MGA: variants seen among roughly 807,000 people sequenced by gnomAD.
MGA encodes MAX gene-associated protein.
MGA carries 40 observed loss-of-function variants against 261.1 expected under a neutral mutation model. That is an observed-to-expected ratio of 0.15 (90% confidence interval 0.12 to 0.20). MGA has a LOEUF of 0.20. Ranked by LOEUF, MGA falls within the 10% of genes least tolerant of loss-of-function variation. The pLI is 1.00. For missense variants in MGA, 3,397 were observed against 3,630.5 expected (o/e 0.94, Z 1.65); for synonymous variants, 1,302 against 1,290.6 (o/e 1.01, Z -0.19).
At chr15:41,633,950 C>T (rs2056647368) in intron 1 of MGA, among the ~76,000 whole-genome samples, 2 of 152,114 alleles carry the variant, frequency 1.3e-5, no homozygotes. Context: ...AATCTCTGCT[C>T]CAGCTTCTTC....
intron 9 of MGA, among the ~76,000 whole-genome samples, chr15:41,721,998 T>C: frequency 6.6e-6 from 1 of 151,676 alleles, no homozygotes. Context: ...ACAGTGAAAA[T>C]AAATGAATTA....
chr15:41,630,133 C>A (rs1473037303), intron 1 of MGA, among the ~76,000 whole-genome samples: 1 of 152,148 alleles, frequency 6.6e-6, no homozygotes, highest in Non-Finnish European at 1.5e-5. Context: ...CTTTATCACA[C>A]CTACCGTGCC....
In MGA at chr15:41,711,349, A is replaced by G. The variant is rs750361186; in HGVS notation, c.3084A>G (p.Gln1028=). Reference sequence around the variant, plus strand: ...CCTTAACAACTCTACTTACAGCTCAAGTAAGTAGCTGCTGTTTTCTGGAGG... The same window carrying G: ...CCTTAACAACTCTACTTACAGCTCAGGTAAGTAGCTGCTGTTTTCTGGAGG... Residue 1028 remains glutamine (Q), a splice_region_variant and synonymous_variant, in exon 8 of 24, where the codon CAA becomes CAG. Coordinates refer to ENST00000219905, the MANE Select transcript of MGA (RefSeq NM_001164273.2). 16 of 1,586,296 alleles carry G rather than the reference A, an allele frequency of 1.0e-5. No individual in the cohort carries two copies. The South Asian group carries it at 1.8e-4, about 18-fold the overall frequency.
intron 5 of MGA, among the ~76,000 whole-genome samples, chr15:41,706,872 C>T (rs1260240115): frequency 1.3e-5 from 2 of 152,106 alleles, no homozygotes; most frequent in Non-Finnish European, 2.9e-5. Context: ...CCAGCTCCGG[C>T]CAATAATTAA....
chr15:41,658,445 GC>G (rs2057252831), upstream of MGA, among the ~76,000 whole-genome samples: 2 of 152,118 alleles, frequency 1.3e-5, no homozygotes, highest in African/African-American at 4.8e-5. Flanking sequence ...GTTACTCAAA[GC>G]AAACAAAAAA....
At position 41,769,693 on chromosome 15, in the gene MGA, A is replaced by G. The variant is rs1488195677; in HGVS notation, c.*2413A>G. ...GTGGAAGACAGTGAGCTCTCACCCT[A>G]ACACTATAAGAAGCATGATCTCAAT... On this transcript the variant is annotated 3_prime_UTR_variant, in exon 24 of 24. Coordinates refer to ENST00000219905, the MANE Select transcript of MGA (RefSeq NM_001164273.2). 1 of 152,616 alleles carries G rather than the reference A, an allele frequency of 6.6e-6. No individual in the cohort carries two copies. The highest frequency in any genetic ancestry group is 1.5e-5 in the Non-Finnish European group (1 of 68,038). 9.5% of individuals were successfully genotyped at this position (152,616 alleles called of 1,614,324 possible). A position where few individuals can be genotyped will look rare whatever the true frequency, so the allele number is the denominator to read the frequency against.
intron 3 of MGA, among the ~76,000 whole-genome samples, chr15:41,697,527 G>A (rs1471746225): frequency 6.7e-6 from 1 of 149,476 alleles, no homozygotes; most frequent in Non-Finnish European, 1.5e-5. Context: ...AGCCATTCTC[G>A]TGCCCCAGCC....
chr15:41,629,710 C>T (rs1308924862), intron 1 of MGA, among the ~76,000 whole-genome samples: 1 of 151,990 alleles, frequency 6.6e-6, no homozygotes, highest in Non-Finnish European at 1.5e-5. Flanking sequence ...GCCTGCGCGA[C>T]AAATGGAGAT....
intron 9 of MGA, among the ~76,000 whole-genome samples, chr15:41,726,506 A>C (rs1213823622): frequency 6.6e-6 from 1 of 152,176 alleles, no homozygotes; most frequent in Non-Finnish European, 1.5e-5. Context: ...GGTTGGGTGG[A>C]TCACTTGAGG....
At chr15:41,739,960 T>C in intron 13 of MGA, 2 of 1,613,074 alleles carry the variant, frequency 1.2e-6, no homozygotes, top group Non-Finnish European at 1.7e-6. Flanking sequence ...GATGGGGGCA[T>C]TGCATCCAGC....
At chr15:41,725,450 G>A (rs1361078655) in intron 9 of MGA, among the ~76,000 whole-genome samples, 1 of 152,120 alleles carries the variant, frequency 6.6e-6, no homozygotes, top group African/African-American at 2.4e-5. Flanking sequence ...GGGAGCCTGA[G>A]GCAGGAAGAT....
At chr15:41,736,009 C>G (rs2061758266) in intron 12 of MGA, among the ~76,000 whole-genome samples, 172 bp from the exon 13 acceptor site, 1 of 152,138 alleles carries the variant, frequency 6.6e-6, no homozygotes, top group South Asian at 2.1e-4. Flanking sequence ...GTCTTATTCT[C>G]TGGAACTTTT....
At chr15:41,699,693 G>T (rs1229858103) in intron 5 of MGA, among the ~76,000 whole-genome samples, 3 of 152,058 alleles carry the variant, frequency 2.0e-5, no homozygotes, top group Non-Finnish European at 4.4e-5. Flanking sequence ...TAGTAGAGAC[G>T]GTTTCACCGT....
chr15:41,687,443 G>A (rs987081212), intron 2 of MGA, among the ~76,000 whole-genome samples: 5 of 152,106 alleles, frequency 3.3e-5, no homozygotes, highest in African/African-American at 1.2e-4. Context: ...ATTGTCTGTA[G>A]CTTGAGTAGT....
At chr15:41,734,445 T>G in intron 11 of MGA, 77 bp from the exon 12 acceptor site, 1 of 1,140,236 alleles carries the variant, frequency 8.8e-7, no homozygotes. Flanking sequence ...GTGAGAGATT[T>G]AATGCTTGTG....
At chr15:41,665,283 C>A (rs893457361) in intron 1 of MGA, among the ~76,000 whole-genome samples, 9 of 152,170 alleles carry the variant, frequency 5.9e-5, no homozygotes, top group African/African-American at 2.2e-4. Flanking sequence ...GACCCACTTA[C>A]ACAGGAGTGG....
intron 10 of MGA, among the ~76,000 whole-genome samples, 175 bp downstream of exon 10, chr15:41,727,581 TTAAAAG>T (rs1275334393): frequency 6.6e-6 from 1 of 152,202 alleles, no homozygotes; most frequent in Non-Finnish European, 1.5e-5. Context: ...TAAAAATGTC[TTAAAAG>T]TAGAAATGAG....
chr15:41,655,540 T>G (rs931524282), upstream of MGA, among the ~76,000 whole-genome samples: 2 of 152,212 alleles, frequency 1.3e-5, no homozygotes, highest in Non-Finnish European at 2.9e-5. Flanking sequence ...TGTAAATAGT[T>G]ATACTTTTTT....
chr15:41,758,462 T>C (rs1444176175), intron 19 of MGA, among the ~76,000 whole-genome samples: 1 of 152,054 alleles, frequency 6.6e-6, no homozygotes, highest in African/African-American at 2.4e-5. Flanking sequence ...TAGTGCAGTT[T>C]GTTTGGTTTT....
Sources: allele counts gnomAD v4.1 joint callset (sites outside exome capture counted in the v4.1 genomes callset), GRCh38; gene constraint gnomAD v4.1.1; transcripts MANE v1.5; gene names NCBI Gene and HGNC (gene_info 2026-07-23, HGNC 2026-07-21).